The following RPH3AL variants were observed in gnomAD, a reference collection of about 807,000 sequenced individuals.
RPH3AL encodes rab effector Noc2.
RPH3AL carries 38 observed loss-of-function variants against 43.1 expected under a neutral mutation model. The ratio of observed to expected loss-of-function variants is 0.88; its 90% CI spans 0.68 to 1.15. The LOEUF (loss-of-function observed/expected upper bound fraction) is 1.15. Among genes scored for constraint, RPH3AL ranks in the 50% most tolerant of loss-of-function variants. RPH3AL has a pLI of 0.00. For synonymous variants in RPH3AL, 189 were observed against 176.3 expected (o/e 1.07, Z -0.57); for missense variants, 462 against 423.2 (o/e 1.09, Z -0.81).
rs948581438 is a variant in RPH3AL, at chr17:289,107, T to G, written c.352-7253A>C. ...GAGAGCAGGGTGTGCCGTTTAGAGG[T>G]GAACTTGGACTCGGTACTCGCCTTC... is the stretch of plus-strand genomic sequence containing the variant. On this transcript the variant is annotated intron_variant, in intron 5 of 9. Transcript: ENST00000331302. This position sits in a 1 kb window ranked among gnomAD's most constrained non-coding sequence, Gnocchi z 5.2. Among the ~76,000 whole-genome samples the G allele has an allele frequency of 6.6e-6, 1 of 151,948 alleles. No individual in the cohort carries two copies. Among genetic ancestry groups the G allele is most frequent in the African/African-American group, 2.4e-5 (1 of 41,338 alleles).
At chr17:229,752 C>G (rs2151512732) in intron 7 of RPH3AL, among the ~76,000 whole-genome samples, 1 of 152,182 alleles carries the variant, frequency 6.6e-6, no homozygotes, top group Non-Finnish European at 1.5e-5. Context: ...CCAAACCCAC[C>G]TCCGGGCCAG....
intron 5 of RPH3AL, among the ~76,000 whole-genome samples, chr17:313,128 C>G (rs2043685108): frequency 6.6e-6 from 1 of 152,186 alleles, no homozygotes; most frequent in Non-Finnish European, 1.5e-5. Flanking sequence ...CCTTCACCCC[C>G]TCTAATTCCT....
Position 304,977 on chromosome 17 carries a change from G to GTCATCAGGGTGCTTAGGGTGGGCTC in RPH3AL, c.351+14442_351+14443insGAGCCCACCCTAAGCACCCTGATGA, listed in dbSNP as rs1567631207. On this transcript the variant is annotated intron_variant, in intron 5 of 9. Coordinates refer to ENST00000331302, the MANE Select transcript of RPH3AL (RefSeq NM_006987.4). ...GGGGACAGGGCGAGAGGGGGACAGG[G>GTCATCAGGGTGCTTAGGGTGGGCTC]CGGGAGGGGGACAGGGCGAGAGGGG... Among the ~76,000 whole-genome samples the GTCATCAGGGTGCTTAGGGTGGGCTC allele has an allele frequency of 6.9e-4, 40 of 57,554 alleles. 9 individuals carry two copies. The highest frequency in any genetic ancestry group is 2.9e-3 in the African/African-American group (40 of 13,900). 37.8% of individuals were successfully genotyped at this position (57,554 alleles called of 152,430 possible).
In RPH3AL at chr17:346,585, C is replaced by T. The variant is rs1158298726; in HGVS notation, c.-213+6127G>A. Among the ~76,000 whole-genome samples the T allele has an allele frequency of 3.7e-5, 5 of 134,626 alleles. 2 individuals carry two copies. The highest frequency in any genetic ancestry group is 1.4e-4 in the Admixed American group (2 of 13,936). 88.3% of individuals were successfully genotyped at this position (134,626 alleles called of 152,430 possible). A position where few individuals can be genotyped will look rare whatever the true frequency, so the allele number is the denominator to read the frequency against. Reference sequence around the variant, plus strand: ...GCCCCCATGATTCAATGACCTCCACCGGGTCTCTCCCACAACAGGTGGGAA... The same window carrying T: ...GCCCCCATGATTCAATGACCTCCACTGGGTCTCTCCCACAACAGGTGGGAA... On this transcript the variant is annotated intron_variant, in intron 1 of 9. Coordinates refer to ENST00000331302, the MANE Select transcript of RPH3AL (RefSeq NM_006987.4).
At chr17:314,803 C>T (rs1598086870) in intron 5 of RPH3AL, among the ~76,000 whole-genome samples, 1 of 121,400 alleles carries the variant, frequency 8.2e-6, no homozygotes, top group Non-Finnish European at 1.7e-5. Context: ...AGTCCCTGTA[C>T]TCCACGTCCA....
intron 7 of RPH3AL, among the ~76,000 whole-genome samples, chr17:232,092 G>T (rs1462715201): frequency 1.4e-5 from 2 of 144,340 alleles, no homozygotes; most frequent in African/African-American, 2.9e-5. Flanking sequence ...AAATTCGTGT[G>T]TGTGAGCTTC....
At chr17:310,619 G>C (rs977180329) in intron 5 of RPH3AL, among the ~76,000 whole-genome samples, 3 of 152,254 alleles carry the variant, frequency 2.0e-5, no homozygotes, top group Admixed American at 2.0e-4. Flanking sequence ...TGGAGGGCCC[G>C]ATTCCTCACA....
At position 245,776 on chromosome 17, in the gene RPH3AL, G is replaced by GC. The variant is rs1170921736; in HGVS notation, c.613+1334dup. On this transcript the variant is annotated intron_variant, in intron 7 of 9. Transcript: ENST00000331302. The surrounding 1 kb of genome is among the most constrained non-coding windows in gnomAD (Gnocchi z 5.9). Reference sequence around the variant, plus strand: ...CAGTTCCAGGCTGGGCAGCCACAGTGCCCCTCAGGCCAGTGTCCCAGCCAG... The same window carrying GC: ...CAGTTCCAGGCTGGGCAGCCACAGTGCCCCCTCAGGCCAGTGTCCCAGCCAG... 6.6e-6 allele frequency among the ~76,000 whole-genome samples: 1 copy of GC among 152,086 alleles called. No individual in the cohort carries two copies. Among genetic ancestry groups the GC allele is most frequent in the East Asian group, 1.9e-4 (1 of 5,182 alleles).
At chr17:343,266 C>A (rs906647678) in intron 1 of RPH3AL, among the ~76,000 whole-genome samples, 7 of 152,210 alleles carry the variant, frequency 4.6e-5, no homozygotes, top group African/African-American at 1.4e-4. Flanking sequence ...GGACTGAGGG[C>A]TGTGGAGTCA....
At chr17:272,225 T>A (rs2042482330) in intron 6 of RPH3AL, among the ~76,000 whole-genome samples, 1 of 152,154 alleles carries the variant, frequency 6.6e-6, no homozygotes, top group Non-Finnish European at 1.5e-5. Context: ...GAACTAGAAA[T>A]ACCATTTGAC....
intron 5 of RPH3AL, among the ~76,000 whole-genome samples, chr17:315,298 A>ATT (rs1288035660): frequency 6.7e-5 from 9 of 134,886 alleles, no homozygotes; most frequent in Admixed American, 2.3e-4. Context: ...CCCCACCTCC[A>ATT]GTGACCTGTA....
intron 5 of RPH3AL, among the ~76,000 whole-genome samples, chr17:291,793 A>G (rs1223216873): frequency 1.3e-5 from 2 of 152,226 alleles, no homozygotes; most frequent in African/African-American, 4.8e-5. Context: ...GTTAAGTTAA[A>G]AAAAGCACGT....
intron 6 of RPH3AL, among the ~76,000 whole-genome samples, chr17:258,761 T>TG (rs1382516203): frequency 5.4e-5 from 8 of 149,084 alleles, no homozygotes; most frequent in South Asian, 4.3e-4. Context: ...CAACCCGTTT[T>TG]TTTTTTTTTT....
At position 319,504 on chromosome 17, in the gene RPH3AL, C is replaced by G; in HGVS notation, c.267G>C (p.Gly89=). The G allele has an allele frequency of 6.2e-7, 1 of 1,612,450 alleles. No homozygotes were observed. The highest frequency in any genetic ancestry group is 8.5e-7 in the Non-Finnish European group (1 of 1,179,952). The change falls in exon 5 of 10, where the codon GGG becomes GGC. Residue 89 remains glycine, a synonymous_variant. Coordinates refer to ENST00000331302, the MANE Select transcript of RPH3AL (RefSeq NM_006987.4). The part of the protein sequence containing the change: ...RLETMRRNVM[G]NGLSQCLLCG... ...AGAGCAGACACTGGGACAGGCCGTT[C>G]CCCATCACATTCCGCCTCATGGTCT...
intron 6 of RPH3AL, among the ~76,000 whole-genome samples, chr17:270,089 G>A (rs536326459): frequency 2.0e-5 from 3 of 152,098 alleles, no homozygotes; most frequent in Non-Finnish European, 4.4e-5. Context: ...ACACACTGAG[G>A]AAGTATGACC....
chr17:224,566 G>A (rs2041063866), intron 7 of RPH3AL, among the ~76,000 whole-genome samples: 1 of 152,206 alleles, frequency 6.6e-6, no homozygotes, highest in Admixed American at 6.5e-5. Context: ...GCTTCCCCTA[G>A]CAGGTTGTGA....
intron 7 of RPH3AL, among the ~76,000 whole-genome samples, chr17:236,315 G>A (rs1482124757): frequency 6.6e-6 from 1 of 152,180 alleles, no homozygotes; most frequent in Non-Finnish European, 1.5e-5. Context: ...ATTGATCGAG[G>A]AAACCTAAAT....
At chr17:299,648 G>A (rs559587867) in intron 5 of RPH3AL, among the ~76,000 whole-genome samples, 4 of 152,358 alleles carry the variant, frequency 2.6e-5, no homozygotes, top group East Asian at 1.9e-4. Context: ...ACTGGAGGCC[G>A]GTGAAGAATC....
At chr17:252,558 G>A (rs1185960909) in intron 6 of RPH3AL, among the ~76,000 whole-genome samples, 3 of 152,058 alleles carry the variant, frequency 2.0e-5, no homozygotes, top group Admixed American at 1.3e-4. Flanking sequence ...CTCCATCATC[G>A]TTTTTCACTG....
Sources: allele counts gnomAD v4.1 joint callset (sites outside exome capture counted in the v4.1 genomes callset), GRCh38; gene constraint gnomAD v4.1.1; non-coding constraint Gnocchi (gnomAD v3.1); transcripts MANE v1.5; gene names NCBI Gene and HGNC (gene_info 2026-07-23, HGNC 2026-07-21).